SMOC2: variants seen among roughly 807,000 people sequenced by gnomAD.
The protein encoded by SMOC2 is SPARC-related modular calcium-binding protein 2.
A neutral mutation model predicts 61.4 loss-of-function variants in SMOC2; 39 were observed. That is an observed-to-expected ratio of 0.64 (90% CI 0.49 to 0.83). SMOC2 has a LOEUF of 0.83. Ranked by LOEUF, SMOC2 falls within the 40% of genes least tolerant of loss-of-function variation. The pLI, the probability that SMOC2 is intolerant of heterozygous loss-of-function variation, is 0.00. For missense variants in SMOC2, 556 were observed against 592.9 expected, an observed-to-expected ratio of 0.94 and a Z score of 0.65; for synonymous variants, 247 against 239.9, an observed-to-expected ratio of 1.03 and a Z score of -0.27.
intron 1 of SMOC2, among the ~76,000 whole-genome samples, chr6:168,459,384 G>A (rs1781663983): frequency 6.6e-6 from 1 of 152,208 alleles, no homozygotes; most frequent in African/African-American, 2.4e-5. Flanking sequence ...AAGCTGGAAA[G>A]GGGGCGTTTG....
chr6:168,618,766 G>A (rs944183594), intron 9 of SMOC2, among the ~76,000 whole-genome samples: 2 of 152,098 alleles, frequency 1.3e-5, no homozygotes, highest in African/African-American at 4.8e-5. Context: ...CAGCTTAGGC[G>A]ATGGGGAAGG....
intron 2 of SMOC2, among the ~76,000 whole-genome samples, chr6:168,518,743 ATG>A (rs1156767338): frequency 2.7e-5 from 4 of 146,556 alleles, no homozygotes; most frequent in African/African-American, 7.7e-5. Context: ...ATGTGTGTGA[ATG>A]TGCATGTGTG....
At chr6:168,493,385 G>A (rs1336037033) in intron 1 of SMOC2, among the ~76,000 whole-genome samples, 2 of 152,188 alleles carry the variant, frequency 1.3e-5, no homozygotes, top group Non-Finnish European at 2.9e-5. Context: ...ATCTGCATAA[G>A]TATGGATTTG....
chr6:168,655,885 A>G (rs1167131652), intron 11 of SMOC2, among the ~76,000 whole-genome samples: 1 of 150,602 alleles, frequency 6.6e-6, no homozygotes, highest in African/African-American at 2.5e-5. Flanking sequence ...TAGATCCCCC[A>G]TATGTGTGTG....
rs1481732812 is a variant in SMOC2, at chr6:168,453,236, C to G, written c.84+11782C>G. 6.6e-6 allele frequency among the ~76,000 whole-genome samples: 1 copy of G among 152,092 alleles called. No homozygotes were observed. The highest frequency in any genetic ancestry group is 1.5e-5 in the Non-Finnish European group (1 of 67,994). On this transcript the variant is annotated intron_variant, in intron 1 of 12. Transcript: ENST00000356284. This position sits in a 1 kb window ranked among gnomAD's most constrained non-coding sequence, Gnocchi z 4.4. ...GGGGGTGGGGGAGGAACTCGGGACC[C>G]AGGGCTGTGCCCCAAGAGGGTGTGG...
chr6:168,503,562 C>T (rs534003684), intron 1 of SMOC2, among the ~76,000 whole-genome samples: 82 of 152,220 alleles, frequency 5.4e-4, no homozygotes, highest in African/African-American at 1.9e-3. Context: ...TGAAAGAGCT[C>T]GTTATTTTAT....
intron 9 of SMOC2, among the ~76,000 whole-genome samples, chr6:168,625,645 T>G (rs1417450861): frequency 1.3e-5 from 2 of 152,228 alleles, no homozygotes; most frequent in Non-Finnish European, 2.9e-5. Context: ...TCAGAAAGCC[T>G]AATTTTTCTT....
intron 9 of SMOC2, among the ~76,000 whole-genome samples, chr6:168,622,756 G>C (rs976590220): frequency 1.3e-5 from 2 of 151,884 alleles, no homozygotes; most frequent in Non-Finnish European, 1.5e-5. Context: ...TCCTTCACAG[G>C]GGGGAAGCTG....
At chr6:168,652,000 CATTG>C (rs1168832186) in intron 10 of SMOC2, among the ~76,000 whole-genome samples, 1 of 149,250 alleles carries the variant, frequency 6.7e-6, no homozygotes, top group African/African-American at 2.5e-5. Context: ...AAGACCACAC[CATTG>C]CACTTCAGCC....
chr6:168,661,295 C>T (rs1207812749), intron 11 of SMOC2, among the ~76,000 whole-genome samples: 1 of 152,104 alleles, frequency 6.6e-6, no homozygotes, highest in Non-Finnish European at 1.5e-5. Flanking sequence ...CACTACTGAA[C>T]AATGCGCTTT....
chr6:168,552,827 AC>A (rs1441065795), intron 7 of SMOC2, among the ~76,000 whole-genome samples: 2 of 27,820 alleles, frequency 7.2e-5, no homozygotes, highest in Non-Finnish European at 1.4e-4. Flanking sequence ...AGACCCCCCC[AC>A]CCCCCCACCA....
chr6:168,646,307 T>C (rs2115267111), intron 9 of SMOC2, among the ~76,000 whole-genome samples: 2 of 152,310 alleles, frequency 1.3e-5, no homozygotes, highest in Middle Eastern at 6.8e-3. Context: ...GCTGCTGTTA[T>C]CCAGTGGTCT....
chr6:168,653,371 T>C lies in SMOC2; in HGVS notation c.1285+143T>C, dbSNP rs1485341384. The C allele has an allele frequency of 8.2e-6, 8 of 976,400 alleles. No individual in the cohort carries two copies. The African/African-American group carries it at 1.3e-4, about 16-fold the overall frequency. 60.5% of individuals were successfully genotyped at this position (976,400 alleles called of 1,614,324 possible). A position where few individuals can be genotyped will look rare whatever the true frequency, so the allele number is the denominator to read the frequency against. On this transcript the variant is annotated intron_variant, in intron 11 of 12. Coordinates refer to ENST00000356284, the MANE Select transcript of SMOC2 (RefSeq NM_001166412.2). The stretch of plus-strand genomic sequence containing the variant: ...ATATGCTGTTTAATTGTTGGGCGTC[T>C]GTTTGCAGAAATAATAATGATAATT...
At chr6:168,591,644 A>G (rs985546057) in intron 7 of SMOC2, among the ~76,000 whole-genome samples, 1 of 149,022 alleles carries the variant, frequency 6.7e-6, no homozygotes, top group African/African-American at 2.4e-5. Flanking sequence ...ATAATACTAT[A>G]AGTAATATAA....
At chr6:168,657,150 G>A (rs1583192397) in intron 11 of SMOC2, among the ~76,000 whole-genome samples, 2 of 152,358 alleles carry the variant, frequency 1.3e-5, no homozygotes, top group East Asian at 3.9e-4. Context: ...TGCTGCCAAG[G>A]TCTGGCAAGG....
chr6:168,457,583 C>T (rs1396163286), intron 1 of SMOC2, among the ~76,000 whole-genome samples: 1 of 152,196 alleles, frequency 6.6e-6, no homozygotes, highest in Non-Finnish European at 1.5e-5. Context: ...ACATGAGCCC[C>T]GCGTCACGTC....
At chr6:168,610,104 T>C (rs1375508801) in intron 9 of SMOC2, among the ~76,000 whole-genome samples, 1 of 152,220 alleles carries the variant, frequency 6.6e-6, no homozygotes, top group African/African-American at 2.4e-5. Context: ...AGAAACATGA[T>C]GTCATTGTCT....
intron 7 of SMOC2, among the ~76,000 whole-genome samples, chr6:168,590,074 G>A (rs868052030): frequency 1.6e-4 from 10 of 61,874 alleles, no homozygotes; most frequent in African/African-American, 7.8e-5. Context: ...GGGGGCAGCC[G>A]GTCTGGTGGT....
At position 168,482,354 on chromosome 6, in the gene SMOC2, C is replaced by T. The variant is rs967373048; in HGVS notation, c.85-27561C>T. Among the ~76,000 whole-genome samples the T allele has an allele frequency of 9.2e-5, 14 of 151,498 alleles. No individual in the cohort carries two copies. In the East Asian group the frequency reaches 1.4e-3, roughly 15 times the overall value. ...TGGACAAATTCCTAGAAAAATAAAACCTACCAAGACTAACTAATGAAAAAC... is the reference window on the plus strand; with the variant it reads ...TGGACAAATTCCTAGAAAAATAAAATCTACCAAGACTAACTAATGAAAAAC... On this transcript the variant is annotated intron_variant, in intron 1 of 12. Transcript: ENST00000356284.
Sources: gnomAD v4.1 joint callset for allele counts (sites outside exome capture counted in the v4.1 genomes callset) on GRCh38, gnomAD v4.1.1 for gene constraint, Gnocchi (gnomAD v3.1) non-coding constraint, MANE v1.5 for transcripts, NCBI Gene and HGNC (gene_info 2026-07-23, HGNC 2026-07-21) for gene names.